The following HTT variants were observed in gnomAD, a reference collection of about 807,000 sequenced individuals.
The protein encoded by HTT is huntingtin.
Under a neutral mutation model 362.3 loss-of-function variants are expected in HTT, and 104 were observed. The observed-to-expected ratio is 0.29, with a 90% CI of 0.24 to 0.34. The LOEUF (loss-of-function observed/expected upper bound fraction) is 0.34, where lower values mean the gene tolerates loss of function less well. Ranked by LOEUF, HTT falls within the 10% of genes least tolerant of loss-of-function variation. The probability of loss-of-function intolerance (pLI) is 1.00; values close to 1 mark genes in which losing one functional copy is unlikely to be tolerated. For missense variants in HTT, 3,301 were observed against 3,928.6 expected (o/e 0.84, Z 4.27); for synonymous variants, 1,577 against 1,548.7 (o/e 1.02, Z -0.43).
intron 33 of HTT, among the ~76,000 whole-genome samples, chr4:3,176,229 G>A (rs1310538143): frequency 6.6e-6 from 1 of 151,992 alleles, no homozygotes; most frequent in Admixed American, 6.6e-5. Context: ...AGGTTTCACT[G>A]TGTTAGCCAG....
At chr4:3,214,206 G>T in intron 50 of HTT, 71 bp downstream of exon 50, 1 of 1,235,680 alleles carries the variant, frequency 8.1e-7, no homozygotes. Context: ...TTTATTTTGT[G>T]CTGCCTGTTT....
chr4:3,159,363 C>T (rs575735206), intron 28 of HTT, among the ~76,000 whole-genome samples: 1 of 152,220 alleles, frequency 6.6e-6, no homozygotes, highest in African/African-American at 2.4e-5. Context: ...TTTTCCCTCC[C>T]ACTTACCTGT....
chr4:3,237,660 G>A (rs996077991), intron 64 of HTT, among the ~76,000 whole-genome samples: 1 of 152,196 alleles, frequency 6.6e-6, no homozygotes, highest in Admixed American at 6.5e-5. Flanking sequence ...TGCCACTGCT[G>A]GGCGAGGGTC....
At chr4:3,081,550 CTT>C (rs770325842) in intron 1 of HTT, among the ~76,000 whole-genome samples, 6 of 84,482 alleles carry the variant, frequency 7.1e-5, no homozygotes, top group East Asian at 7.5e-4. Flanking sequence ...GAAAGCATTT[CTT>C]TTTTTTTTTT....
intron 1 of HTT, among the ~76,000 whole-genome samples, chr4:3,083,530 T>TATATATACACACAC (rs1165543364): frequency 4.8e-5 from 6 of 125,220 alleles, no homozygotes; most frequent in East Asian, 5.2e-4. Flanking sequence ...TCTCTAAATA[T>TATATATACACACAC]ACACACACAC....
intron 23 of HTT, among the ~76,000 whole-genome samples, chr4:3,144,538 G>A (rs941540333): frequency 2.6e-5 from 4 of 152,032 alleles, no homozygotes; most frequent in Non-Finnish European, 4.4e-5. Flanking sequence ...GGCTGGTCTC[G>A]AACTCCTGAC....
In HTT at chr4:3,115,567, A is replaced by G. The variant is rs1009177181; in HGVS notation, c.889+122A>G. 7.7e-6 allele frequency: 6 copies of G among 776,176 alleles called. No individual in the cohort carries two copies. In the Admixed American group the frequency reaches 1.3e-4, roughly 17 times the overall value. 48.1% of individuals were successfully genotyped at this position (776,176 alleles called of 1,614,324 possible). On this transcript the variant is annotated intron_variant, in intron 7 of 66. Coordinates refer to ENST00000355072, the MANE Select transcript of HTT (RefSeq NM_001388492.1). The stretch of plus-strand genomic sequence containing the variant: ...AGGCTATTTGGCACTGGTTGATTGA[A>G]TGTGAACTGCACTGGGGCTGCTGTG...
intron 11 of HTT, among the ~76,000 whole-genome samples, chr4:3,126,263 A>C (rs1173093653): frequency 6.6e-6 from 1 of 152,116 alleles, no homozygotes; most frequent in Non-Finnish European, 1.5e-5. Flanking sequence ...CATGTTGGTC[A>C]GGCTGGTCTT....
chr4:3,155,690 G>C (rs1178656040), intron 27 of HTT, among the ~76,000 whole-genome samples: 7 of 142,064 alleles, frequency 4.9e-5, no homozygotes, highest in African/African-American at 1.6e-4. Flanking sequence ...GACCAAACTG[G>C]CCAGCATGGT....
intron 35 of HTT, among the ~76,000 whole-genome samples, chr4:3,179,311 A>G (rs1247834117): frequency 6.6e-6 from 1 of 152,184 alleles, no homozygotes. Context: ...ATAGATTATT[A>G]AAGGCATAGG....
Position 3,178,456 on chromosome 4 carries a change from C to T in HTT, c.4612+10C>T. 1.9e-6 allele frequency: 3 copies of T among 1,611,952 alleles called. No individual in the cohort carries two copies. Among genetic ancestry groups the T allele is most frequent in the Non-Finnish European group, 2.5e-6 (3 of 1,179,014 alleles). ...AAGGCTGTGACACATGGTAACGGGA[C>T]ACACCTTTCACTGTCGTCTTCGGTG... On this transcript the variant is annotated intron_variant, in intron 35 of 66. Transcript: ENST00000355072.
intron 2 of HTT, among the ~76,000 whole-genome samples, chr4:3,089,454 C>T (rs553224978): frequency 6.3e-4 from 96 of 152,258 alleles, no homozygotes; most frequent in African/African-American, 2.2e-3. Context: ...GGGGTTTCAC[C>T]GTGTTAGCCA....
intron 40 of HTT, among the ~76,000 whole-genome samples, chr4:3,195,848 A>G (rs1719230050): frequency 6.6e-6 from 1 of 152,022 alleles, no homozygotes; most frequent in South Asian, 2.1e-4. Flanking sequence ...CTGGTTGGGG[A>G]CAAGGAGAGG....
rs369560571 is a variant in HTT at position 3,225,677 on chromosome 4, C to T, written c.7782C>T (p.His2594=). 50 of 1,613,932 alleles carry T rather than the reference C, an allele frequency of 3.1e-5. No homozygotes were observed. Among genetic ancestry groups the T allele is most frequent in the Middle Eastern group, 3.3e-4 (2 of 6,082 alleles). The change falls in exon 57 of 67, where the codon CAC becomes CAT. Residue 2594 remains histidine (H), a synonymous_variant. Coordinates refer to ENST00000355072, the MANE Select transcript of HTT (RefSeq NM_001388492.1). ...SPATTGALIS[H]EKLLLQINPE... is the part of the protein sequence containing the mutation. Reference sequence around the variant, plus strand: ...TGTTCACAGGTGCCCTCATCAGCCACGAGAAGCTGCTGCTACAGATCAACC... The same window carrying T: ...TGTTCACAGGTGCCCTCATCAGCCATGAGAAGCTGCTGCTACAGATCAACC...
In HTT at chr4:3,228,799, A is replaced by G. The variant is rs1174910024; in HGVS notation, c.7979+54A>G. The G allele has an allele frequency of 1.3e-6, 2 of 1,571,150 alleles. No homozygotes were observed. The highest frequency in any genetic ancestry group is 1.7e-6 in the Non-Finnish European group (2 of 1,153,986). On this transcript the variant is annotated intron_variant, in intron 58 of 66. Transcript: ENST00000355072. This position sits in a 1 kb window ranked among gnomAD's most constrained non-coding sequence, Gnocchi z 4.3. ...AGAAATTTGAAATTTCTTATCAGTC[A>G]TTTGATTTGTTTGAGGTGCTTCTTG... is the stretch of plus-strand genomic sequence containing the variant.
At chr4:3,232,691 G>T (rs1046343279) in intron 60 of HTT, among the ~76,000 whole-genome samples, 1 of 152,246 alleles carries the variant, frequency 6.6e-6, no homozygotes, top group Admixed American at 6.5e-5. Context: ...GCGATGTCCC[G>T]AGGACACCAG....
Position 3,074,969 on chromosome 4 carries a change from T to A in HTT, c.144T>A (p.Pro48=). 1.2e-6 allele frequency: 1 copy of A among 844,298 alleles called. No homozygotes were observed. The highest frequency in any genetic ancestry group is 1.6e-6 in the Non-Finnish European group (1 of 616,952). 52.3% of individuals were successfully genotyped at this position (844,298 alleles called of 1,614,324 possible). ...QPPPPPPPPP[P]PQLPQPPPQA... is the part of the protein sequence containing the mutation. ...CACCGCCGCCGCCGCCGCCGCCGCC[T>A]CCTCAGCTTCCTCAGCCGCCGCCGC... Residue 48 remains proline, a synonymous_variant, in exon 1 of 67, where the codon CCT becomes CCA. Coordinates refer to ENST00000355072, the MANE Select transcript of HTT (RefSeq NM_001388492.1).
At chr4:3,157,344 C>A in intron 28 of HTT, 145 bp downstream of exon 28, 1 of 747,674 alleles carries the variant, frequency 1.3e-6, no homozygotes, top group Non-Finnish European at 2.2e-6. Flanking sequence ...GTTTGTCTTT[C>A]AGCTTTGTTT....
intron 23 of HTT, 117 bp from the exon 24 acceptor site, chr4:3,145,035 T>C: frequency 1.2e-6 from 1 of 802,652 alleles, no homozygotes; most frequent in Non-Finnish European, 2.2e-6. Flanking sequence ...GTGGTTATCA[T>C]ACACAGATCT....
Sources: allele counts gnomAD v4.1 joint callset (sites outside exome capture counted in the v4.1 genomes callset), GRCh38; gene constraint gnomAD v4.1.1; non-coding constraint Gnocchi (gnomAD v3.1); transcripts MANE v1.5; gene names NCBI Gene and HGNC (gene_info 2026-07-23, HGNC 2026-07-21).